CRY1: variants seen among roughly 807,000 people sequenced by gnomAD.
CRY1 encodes the protein cryptochrome-1.
A neutral mutation model predicts 76.0 loss-of-function variants in CRY1; 45 were observed. That is an observed-to-expected ratio of 0.59 (90% CI 0.47 to 0.76). The LOEUF is 0.76. Among genes scored for constraint, CRY1 ranks in the 30% least tolerant of loss-of-function variants. The pLI is 0.00. For synonymous variants in CRY1, 248 were observed against 244.0 expected (o/e 1.02, Z -0.15); for missense variants, 587 against 716.4 (o/e 0.82, Z 2.06).
At chr12:106,992,572 G>T in intron 12 of CRY1, 1 of 432,138 alleles carries the variant, frequency 2.3e-6, no homozygotes, top group Non-Finnish European at 4.2e-6. Flanking sequence ...AAAGAGCATT[G>T]GTTCAGATGA....
intron 1 of CRY1, among the ~76,000 whole-genome samples, chr12:107,053,159 TATA>T (rs1253088398): frequency 4.6e-5 from 7 of 151,902 alleles, no homozygotes; most frequent in Non-Finnish European, 1.0e-4. Context: ...ATATGAAAAA[TATA>T]ATAATTGAAA....
chr12:107,068,184 C>T (rs1033579849), intron 1 of CRY1, among the ~76,000 whole-genome samples: 1 of 152,062 alleles, frequency 6.6e-6, no homozygotes, highest in Non-Finnish European at 1.5e-5. Context: ...GCCTGAAAAA[C>T]CTAAAATATT....
At chr12:107,013,304 G>T (rs1378814005) in intron 2 of CRY1, among the ~76,000 whole-genome samples, 1 of 152,152 alleles carries the variant, frequency 6.6e-6, no homozygotes, top group Non-Finnish European at 1.5e-5. Context: ...ATTGAGGCAA[G>T]AACCTCCACC....
At chr12:107,053,118 G>T (rs947812787) in intron 1 of CRY1, among the ~76,000 whole-genome samples, 1 of 152,094 alleles carries the variant, frequency 6.6e-6, no homozygotes, top group African/African-American at 2.4e-5. Flanking sequence ...AGAAATGGCA[G>T]ATTTGAAAAA....
At chr12:107,089,790 T>C (rs1012839541) in intron 1 of CRY1, among the ~76,000 whole-genome samples, 2 of 152,212 alleles carry the variant, frequency 1.3e-5, no homozygotes, top group African/African-American at 4.8e-5. Flanking sequence ...CATTATCCCA[T>C]AGTCAATAAG....
At position 107,093,046 on chromosome 12, in the gene CRY1, T is replaced by A; in HGVS notation, c.-85A>T. ...GCCGACACCTTCGCTTCCAAGAGAA[T>A]TGCCTCACCCGGGGCGTGAGGAAAG... On this transcript the variant is annotated 5_prime_UTR_variant, in exon 1 of 13. Coordinates refer to ENST00000008527, the MANE Select transcript of CRY1 (RefSeq NM_004075.5). 1 of 1,406,716 alleles carries A rather than the reference T, an allele frequency of 7.1e-7. No homozygotes were observed. Among genetic ancestry groups the A allele is most frequent in the Non-Finnish European group, 9.3e-7 (1 of 1,076,652 alleles). The allele number at this position is 1,406,716 out of a possible 1,614,324, so 87.1% of individuals were successfully genotyped here.
intron 1 of CRY1, among the ~76,000 whole-genome samples, chr12:107,091,377 C>T (rs1332694589): frequency 2.0e-5 from 3 of 152,104 alleles, no homozygotes; most frequent in Admixed American, 2.0e-4. Context: ...CCAACAAATA[C>T]CCTGTATTTT....
chr12:107,049,467 T>G (rs752940386), intron 1 of CRY1, among the ~76,000 whole-genome samples: 1 of 152,148 alleles, frequency 6.6e-6, no homozygotes, highest in African/African-American at 2.4e-5. Context: ...CTCCGCCTCC[T>G]GGGGTCAAGT....
At chr12:107,026,726 T>G (rs892874802) in intron 1 of CRY1, among the ~76,000 whole-genome samples, 2 of 151,662 alleles carry the variant, frequency 1.3e-5, no homozygotes, top group Non-Finnish European at 2.9e-5. Context: ...ATGGTAGATA[T>G]GTATCAAACA....
At chr12:107,058,122 T>C (rs951289593) in intron 1 of CRY1, among the ~76,000 whole-genome samples, 1 of 152,024 alleles carries the variant, frequency 6.6e-6, no homozygotes, top group Non-Finnish European at 1.5e-5. Flanking sequence ...AAAAAAAAGT[T>C]AAAGATGAGA....
At position 107,093,138 on chromosome 12, in the gene CRY1, G is replaced by A. The variant is rs1593552577; in HGVS notation, c.-177C>T. On this transcript the variant is annotated 5_prime_UTR_variant, in exon 1 of 13. Coordinates refer to ENST00000008527, the MANE Select transcript of CRY1 (RefSeq NM_004075.5). ...GACCGGAGAAGGCGGGGGCGCCGGA[G>A]GCGCAGTGGAAAGATGAATGGAGGT... The A allele has an allele frequency of 1.4e-6, 1 of 708,402 alleles. No individual in the cohort carries two copies. The highest frequency in any genetic ancestry group is 3.0e-5 in the East Asian group (1 of 33,602). 43.9% of individuals were successfully genotyped at this position (708,402 alleles called of 1,614,324 possible).
At chr12:106,998,587 T>A (rs12312629) in intron 7 of CRY1, among the ~76,000 whole-genome samples, 2 of 151,902 alleles carry the variant, frequency 1.3e-5, no homozygotes, top group Admixed American at 6.6e-5. Context: ...TAAATGATTT[T>A]TATATATATT....
intron 2 of CRY1, among the ~76,000 whole-genome samples, chr12:107,011,876 A>T (rs1475067899): frequency 1.3e-5 from 2 of 152,170 alleles, no homozygotes; most frequent in African/African-American, 4.8e-5. Flanking sequence ...GTCATCTAGG[A>T]CTTTCATAGC....
At chr12:107,045,246 A>G (rs1952836556) in intron 1 of CRY1, among the ~76,000 whole-genome samples, 1 of 152,206 alleles carries the variant, frequency 6.6e-6, no homozygotes, top group African/African-American at 2.4e-5. Flanking sequence ...AGAAAAAAAA[A>G]ATGCCACCAA....
intron 5 of CRY1, among the ~76,000 whole-genome samples, 192 bp from the exon 6 acceptor site, chr12:107,000,274 C>T (rs1282979484): frequency 6.6e-6 from 1 of 152,032 alleles, no homozygotes; most frequent in Non-Finnish European, 1.5e-5. Context: ...TTCAGTCGTC[C>T]TTGTGCAGCA....
chr12:107,090,105 T>C (rs1026358188), intron 1 of CRY1, among the ~76,000 whole-genome samples: 1 of 152,104 alleles, frequency 6.6e-6, no homozygotes, highest in African/African-American at 2.4e-5. Flanking sequence ...TCTTTTTTTT[T>C]TTGAGACAGA....
At chr12:107,026,380 T>A (rs1407876488) in intron 1 of CRY1, among the ~76,000 whole-genome samples, 1 of 150,668 alleles carries the variant, frequency 6.6e-6, no homozygotes, top group Non-Finnish European at 1.5e-5. Flanking sequence ...TACAGGAGTG[T>A]GCTACCACCC....
Position 106,993,030 on chromosome 12 carries a change from G to A in CRY1, c.1592C>T (p.Ser531Phe), listed in dbSNP as rs1952197423. 2.5e-6 allele frequency: 4 copies of A among 1,613,920 alleles called. No homozygotes were observed. Among genetic ancestry groups the A allele is most frequent in the Middle Eastern group, 1.6e-4 (1 of 6,062 alleles). ...ATAGTGTAAAATACCACTCCCTTGA[G>A]AGCAACCTGTTAGTATTTAAAACAC... is the stretch of plus-strand genomic sequence containing the variant. ...IPGCSSSGSC[S>F]QGSGILHYAH... Residue 531 changes from serine (S) to phenylalanine (F), a missense_variant, in exon 11 of 13, where the codon TCT (serine) becomes TTT (phenylalanine). Ser to Phe is a radical substitution (Grantham distance 155). Coordinates refer to ENST00000008527, the MANE Select transcript of CRY1 (RefSeq NM_004075.5).
At chr12:107,079,959 G>T (rs768794964) in intron 1 of CRY1, among the ~76,000 whole-genome samples, 1 of 152,104 alleles carries the variant, frequency 6.6e-6, no homozygotes, top group Non-Finnish European at 1.5e-5. Context: ...AGAAGGGCAA[G>T]GGGGACAATG....
Sources: gnomAD v4.1 joint callset for allele counts (sites outside exome capture counted in the v4.1 genomes callset) on GRCh38, gnomAD v4.1.1 for gene constraint, MANE v1.5 for transcripts, NCBI Gene and HGNC (gene_info 2026-07-23, HGNC 2026-07-21) for gene names.